DLGAP4: variants seen among roughly 807,000 people sequenced by gnomAD.
DLGAP4 encodes the protein DLG associated protein 4.
DLGAP4 carries 18 observed loss-of-function variants against 86.9 expected under a neutral mutation model. That is an observed-to-expected ratio of 0.21 (90% CI 0.14 to 0.31). The LOEUF is 0.31. Ranked by LOEUF, DLGAP4 falls within the 10% of genes least tolerant of loss-of-function variation. The pLI is 1.00. For synonymous variants in DLGAP4, 548 were observed against 574.3 expected (o/e 0.95, Z 0.65); for missense variants, 1,085 against 1,362.6 (o/e 0.80, Z 3.21).
chr20:36,525,436 G>C (rs896920162), intron 11 of DLGAP4: 1 of 252,330 alleles, frequency 4.0e-6, no homozygotes, highest in South Asian at 5.6e-5. Flanking sequence ...AGAGACTTGG[G>C]GGTTGCGTTG....
In DLGAP4 at chr20:36,316,686, A is replaced by AGGCAGCCCAGCTC. The variant is rs1432636628; in HGVS notation, c.-304+10175_-304+10187dup. On this transcript the variant is annotated intron_variant, in intron 1 of 12. Transcript: ENST00000339266. ...GGCCTGAGAACAGGTGGGGGTGGAA[A>AGGCAGCCCAGCTC]GGCAGCCCAGCTCACCAGCCCGTCC... Among the ~76,000 whole-genome samples, 5 of 152,206 alleles carry AGGCAGCCCAGCTC rather than the reference A, an allele frequency of 3.3e-5. No individual in the cohort carries two copies. In the East Asian group the frequency reaches 9.7e-4, roughly 29 times the overall value.
chr20:36,474,477 G>A (rs188461371), intron 7 of DLGAP4, among the ~76,000 whole-genome samples: 3 of 152,184 alleles, frequency 2.0e-5, no homozygotes, highest in Non-Finnish European at 4.4e-5. Context: ...TCCTACTGGG[G>A]GCTGTGACGA....
intron 1 of DLGAP4, among the ~76,000 whole-genome samples, chr20:36,327,844 G>T (rs2065231634): frequency 6.8e-6 from 1 of 147,830 alleles, no homozygotes; most frequent in Non-Finnish European, 1.5e-5. Flanking sequence ...GCCCGCCTCG[G>T]CCTCCCAAAG....
In DLGAP4 at chr20:36,431,782, C is replaced by T; in HGVS notation, c.65C>T (p.Pro22Leu). 1 of 1,613,358 alleles carries T rather than the reference C, an allele frequency of 6.2e-7. No individual in the cohort carries two copies. ...GACAGCCTAGACCCACCCCACGAGC[C>T]CCTGTTTGCAGGGACCGACCGCAAC... ...LSDSLDPPHE[P>L]LFAGTDRNPY... is the part of the protein sequence containing the mutation. Residue 22 changes from proline to leucine, a missense_variant, in exon 3 of 13, where the codon CCC (proline) becomes CTC (leucine). Physicochemically the swap from Pro to Leu is moderately conservative, Grantham distance 98. Transcript: ENST00000339266. The surrounding 1 kb of genome is among the most constrained non-coding windows in gnomAD (Gnocchi z 5.1).
intron 2 of DLGAP4, among the ~76,000 whole-genome samples, chr20:36,374,193 A>G (rs2031059721): frequency 6.6e-6 from 1 of 152,164 alleles, no homozygotes. Flanking sequence ...CTGTCCTGCC[A>G]GGGAGCTGTC....
intron 2 of DLGAP4, among the ~76,000 whole-genome samples, chr20:36,370,741 G>A (rs1224686231): frequency 6.6e-6 from 1 of 152,206 alleles, no homozygotes; most frequent in Admixed American, 6.5e-5. Flanking sequence ...GATCACTTGA[G>A]CCCAAAAGTT....
chr20:36,441,735 TTCTC>T, intron 5 of DLGAP4, among the ~76,000 whole-genome samples: 1 of 152,092 alleles, frequency 6.6e-6, no homozygotes, highest in East Asian at 1.9e-4. Context: ...CTCCGTCTGT[TTCTC>T]TCTCTCTGTT....
chr20:36,310,180 A>AAAAGAAAGAAAG (rs1161085107), intron 1 of DLGAP4, among the ~76,000 whole-genome samples: 16 of 124,184 alleles, frequency 1.3e-4, no homozygotes, highest in African/African-American at 5.8e-4. Context: ...CAAAAAAAAA[A>AAAAGAAAGAAAG]AAAGAAAGAA....
intron 10 of DLGAP4, among the ~76,000 whole-genome samples, chr20:36,515,423 T>C (rs1424440223): frequency 6.6e-6 from 1 of 152,234 alleles, no homozygotes; most frequent in Non-Finnish European, 1.5e-5. Flanking sequence ...TCCTTATTAA[T>C]CATGTCTCTT....
intron 11 of DLGAP4, 35 bp from the exon 12 acceptor site, chr20:36,525,816 T>G: frequency 6.2e-7 from 1 of 1,608,964 alleles, no homozygotes; most frequent in Non-Finnish European, 8.5e-7. Context: ...AAGCCTCTGC[T>G]GAGCTGGCCC....
At chr20:36,382,886 C>A (rs190368330) in intron 2 of DLGAP4, among the ~76,000 whole-genome samples, 15 of 152,242 alleles carry the variant, frequency 9.9e-5, no homozygotes, top group East Asian at 9.7e-4. Context: ...GTCTACCCCT[C>A]AATATCTTGA....
At chr20:36,379,588 A>G (rs1204645423) in intron 2 of DLGAP4, among the ~76,000 whole-genome samples, 1 of 152,194 alleles carries the variant, frequency 6.6e-6, no homozygotes, top group East Asian at 1.9e-4. Context: ...CCCAGACCTC[A>G]GGGTAGTCAG....
chr20:36,415,445 C>A (rs2032625541), intron 2 of DLGAP4, among the ~76,000 whole-genome samples: 1 of 152,166 alleles, frequency 6.6e-6, no homozygotes. Context: ...AGTGCCCGGC[C>A]CTGTCTGGCT....
In DLGAP4 at chr20:36,507,545, G is replaced by A. The variant is rs967065009; in HGVS notation, c.2512+6934G>A. ...ACCCAGCCGTGGCCACAAGTTTTAA[G>A]GTCACCCCTCTTAAATCTGTGAGGA... On this transcript the variant is annotated intron_variant, in intron 10 of 12. Transcript: ENST00000339266. Among the ~76,000 whole-genome samples, 7 of 152,214 alleles carry A rather than the reference G, an allele frequency of 4.6e-5. No homozygotes were observed. The South Asian group carries it at 1.5e-3, about 32-fold the overall frequency.
intron 1 of DLGAP4, among the ~76,000 whole-genome samples, chr20:36,321,324 G>A (rs1395769495): frequency 2.6e-5 from 4 of 152,244 alleles, no homozygotes; most frequent in South Asian, 4.1e-4. Context: ...GCAAGAAGAC[G>A]GGCAGGGATG....
chr20:36,450,806 G>A (rs2033717527), intron 7 of DLGAP4, among the ~76,000 whole-genome samples: 2 of 152,184 alleles, frequency 1.3e-5, no homozygotes, highest in Admixed American at 1.3e-4. Context: ...GTTCAGAAAA[G>A]GGGAAAGTAG....
intron 7 of DLGAP4, among the ~76,000 whole-genome samples, chr20:36,467,199 G>C (rs2034455509): frequency 6.6e-6 from 1 of 152,192 alleles, no homozygotes; most frequent in Non-Finnish European, 1.5e-5. Flanking sequence ...AATTATGAGA[G>C]ACTGTGTGAC....
At chr20:36,470,234 T>G (rs1054739642) in intron 7 of DLGAP4, among the ~76,000 whole-genome samples, 1 of 152,154 alleles carries the variant, frequency 6.6e-6, no homozygotes, top group African/African-American at 2.4e-5. Context: ...ATTCAAAGCC[T>G]TCTTCAAATC....
intron 7 of DLGAP4, chr20:36,461,497 C>T: frequency 3.1e-6 from 3 of 982,488 alleles, no homozygotes; most frequent in Non-Finnish European, 3.6e-6. Context: ...GGCCGGGCTG[C>T]GTGAGGGAGG....
Sources: gnomAD v4.1 joint callset for allele counts (sites outside exome capture counted in the v4.1 genomes callset) on GRCh38, gnomAD v4.1.1 for gene constraint, Gnocchi (gnomAD v3.1) non-coding constraint, MANE v1.5 for transcripts, NCBI Gene and HGNC (gene_info 2026-07-23, HGNC 2026-07-21) for gene names.